TMEM117: variants seen among roughly 807,000 people sequenced by gnomAD.
TMEM117 encodes the protein transmembrane protein 117.
A neutral mutation model predicts 52.4 loss-of-function variants in TMEM117; 27 were observed. The observed-to-expected ratio is 0.51, with a 90% confidence interval of 0.38 to 0.71. The LOEUF is 0.71. Among genes scored for constraint, TMEM117 ranks in the 30% least tolerant of loss-of-function variants. The pLI is 0.00. For missense variants in TMEM117, 556 were observed against 630.5 expected (o/e 0.88, Z 1.26); for synonymous variants, 215 against 206.3 (o/e 1.04, Z -0.36).
At chr12:43,937,998 T>C (rs1223444901) in intron 2 of TMEM117, among the ~76,000 whole-genome samples, 2 of 152,054 alleles carry the variant, frequency 1.3e-5, no homozygotes, top group Admixed American at 1.3e-4. Context: ...TTTTGCGGCT[T>C]GTGCTCAAGC....
rs1016658303 is a variant in TMEM117, at chr12:43,921,964, A to G, written c.278-22246A>G. Among the ~76,000 whole-genome samples the G allele has an allele frequency of 5.9e-5, 9 of 152,204 alleles. No individual in the cohort carries two copies. In the South Asian group the frequency reaches 6.2e-4, roughly 11 times the overall value. ...TCCCAAATGTCCACTGTCAACCTCT[A>G]AAAGTGGACTTTCTTCCTGAACTCT... On this transcript the variant is annotated intron_variant, in intron 2 of 7. Coordinates refer to ENST00000266534, the MANE Select transcript of TMEM117 (RefSeq NM_032256.3).
intron 3 of TMEM117, among the ~76,000 whole-genome samples, chr12:44,011,293 A>T (rs1946286339): frequency 6.6e-6 from 1 of 152,132 alleles, no homozygotes; most frequent in Admixed American, 6.5e-5. Context: ...CCCTGTATAT[A>T]CTATTGTTAT....
intron 5 of TMEM117, among the ~76,000 whole-genome samples, chr12:44,289,458 G>A (rs1950675695): frequency 2.0e-5 from 3 of 151,398 alleles, no homozygotes; most frequent in Non-Finnish European, 4.4e-5. Flanking sequence ...ATTTTTTGAA[G>A]AACCTCCTTA....
At chr12:43,912,837 A>G (rs1944537159) in intron 2 of TMEM117, among the ~76,000 whole-genome samples, 1 of 152,166 alleles carries the variant, frequency 6.6e-6, no homozygotes, top group African/African-American at 2.4e-5. Context: ...AAAATAAACT[A>G]CACAGTTTAG....
At chr12:44,266,921 T>C (rs1950385063) in intron 5 of TMEM117, among the ~76,000 whole-genome samples, 1 of 152,130 alleles carries the variant, frequency 6.6e-6, no homozygotes, top group Admixed American at 6.6e-5. Flanking sequence ...CAATTGACCA[T>C]GGATGTATAT....
chr12:43,922,433 T>C (rs1856880051), intron 2 of TMEM117, among the ~76,000 whole-genome samples: 1 of 152,206 alleles, frequency 6.6e-6, no homozygotes, highest in African/African-American at 2.4e-5. Flanking sequence ...TTTGTGCTTT[T>C]GGTTTAATTA....
chr12:43,835,303 A>C (rs1592293070), upstream of TMEM117, among the ~76,000 whole-genome samples: 1 of 152,172 alleles, frequency 6.6e-6, no homozygotes, highest in Non-Finnish European at 1.5e-5. Flanking sequence ...GTATCATAGA[A>C]TGACAGGCTC....
rs113940411 is a variant in TMEM117, at chr12:44,202,454, T to C, written c.511-8836T>C. Reference sequence around the variant, plus strand: ...CAGTAAATGGATCGTATTTATTGATTAGCATATAATGAACCAAACTTGCAT... The same window carrying C: ...CAGTAAATGGATCGTATTTATTGATCAGCATATAATGAACCAAACTTGCAT... On this transcript the variant is annotated intron_variant, in intron 4 of 7. Transcript: ENST00000266534. Among the ~76,000 whole-genome samples the C allele has an allele frequency of 1.0e-2, 1,521 of 152,278 alleles. 33 individuals carry two copies. Among genetic ancestry groups the C allele is most frequent in the African/African-American group, 0.034 (1,433 of 41,554 alleles).
At chr12:44,026,827 A>G (rs1432269069) in intron 3 of TMEM117, among the ~76,000 whole-genome samples, 2 of 151,988 alleles carry the variant, frequency 1.3e-5, no homozygotes, top group Admixed American at 6.6e-5. Flanking sequence ...TTCTGTTTGT[A>G]TATATCCTTA....
At chr12:43,806,296 C>G in the TMEM117 span, 1 of 1,437,342 alleles carries the variant, frequency 7.0e-7, no homozygotes, top group Non-Finnish European at 9.2e-7. Context: ...CCAGCGGCCC[C>G]GGCCGGCGGC....
downstream of TMEM117, among the ~76,000 whole-genome samples, chr12:44,393,294 A>C (rs1008042978): frequency 6.6e-6 from 1 of 152,160 alleles, no homozygotes; most frequent in African/African-American, 2.4e-5. Context: ...ATAATTTATA[A>C]TTGAGAATCA....
At chr12:44,304,370 A>G (rs966804721) in intron 6 of TMEM117, among the ~76,000 whole-genome samples, 5 of 152,174 alleles carry the variant, frequency 3.3e-5, no homozygotes, top group African/African-American at 7.2e-5. Context: ...TGGGATCCCA[A>G]ATAAATTTGA....
chr12:44,134,776 C>T (rs539288285), intron 3 of TMEM117, among the ~76,000 whole-genome samples: 1 of 151,786 alleles, frequency 6.6e-6, no homozygotes, highest in South Asian at 2.1e-4. Context: ...TAGACTCTAC[C>T]CTCTTTCCTG....
intron 3 of TMEM117, chr12:44,008,602 A>G: frequency 5.0e-6 from 1 of 198,736 alleles, no homozygotes; most frequent in Non-Finnish European, 1.0e-5. Context: ...TCTAAGGTGA[A>G]GCTCTATGTG....
chr12:44,294,415 T>C (rs1950742623), intron 5 of TMEM117, among the ~76,000 whole-genome samples: 2 of 152,222 alleles, frequency 1.3e-5, no homozygotes, highest in Admixed American at 1.3e-4. Flanking sequence ...TTTCCATCTT[T>C]GCTTATCACA....
chr12:43,994,611 A>G (rs949219192), intron 3 of TMEM117, among the ~76,000 whole-genome samples: 3 of 152,280 alleles, frequency 2.0e-5, no homozygotes, highest in African/African-American at 7.2e-5. Context: ...TACATGGTCC[A>G]AACATTTCAT....
chr12:44,245,130 C>T (rs1950112715), intron 5 of TMEM117, among the ~76,000 whole-genome samples: 1 of 151,978 alleles, frequency 6.6e-6, no homozygotes, highest in African/African-American at 2.4e-5. Flanking sequence ...TGTGATACCT[C>T]TAGCTTTGTT....
intron 4 of TMEM117, among the ~76,000 whole-genome samples, chr12:44,190,904 A>G (rs969227039): frequency 1.3e-5 from 2 of 148,152 alleles, no homozygotes; most frequent in African/African-American, 4.9e-5. Context: ...TAAAGTATAT[A>G]TGTAATATAT....
chr12:44,101,755 A>G (rs1219273127), intron 3 of TMEM117, among the ~76,000 whole-genome samples: 1 of 151,916 alleles, frequency 6.6e-6, no homozygotes, highest in Non-Finnish European at 1.5e-5. Flanking sequence ...TCCTCCGTAC[A>G]CCAGCTGGAA....
Sources: allele counts gnomAD v4.1 joint callset (sites outside exome capture counted in the v4.1 genomes callset), GRCh38; gene constraint gnomAD v4.1.1; transcripts MANE v1.5; gene names NCBI Gene and HGNC (gene_info 2026-07-23, HGNC 2026-07-21).